SFI1: variants seen among roughly 807,000 people sequenced by gnomAD.
The protein encoded by SFI1 is protein SFI1 homolog.
A neutral mutation model predicts 207.5 loss-of-function variants in SFI1; 195 were observed. That is an observed-to-expected ratio of 0.94 (90% CI 0.84 to 1.06). The LOEUF is 1.06. Among genes scored for constraint, SFI1 ranks in the 50% least tolerant of loss-of-function variants. SFI1 has a pLI of 0.00. For missense variants in SFI1, 1,634 were observed against 1,588.0 expected (o/e 1.03, Z -0.49); for synonymous variants, 630 against 598.9 (o/e 1.05, Z -0.76).
intron 15 of SFI1, among the ~76,000 whole-genome samples, chr22:31,600,465 G>C (rs2067920195): frequency 6.6e-6 from 1 of 152,204 alleles, no homozygotes; most frequent in Non-Finnish European, 1.5e-5. Flanking sequence ...ACCCTGTCCA[G>C]CTTCTGCTGT....
At chr22:31,593,875 T>C (rs1257443481) in intron 15 of SFI1, among the ~76,000 whole-genome samples, 12 of 148,046 alleles carry the variant, frequency 8.1e-5, no homozygotes, top group Non-Finnish European at 1.4e-4. Flanking sequence ...ATCGCAGGCA[T>C]TCGGCAGACT....
chr22:31,603,655 G>GGTA, intron 17 of SFI1, 89 bp from the exon 18 acceptor site: 2 of 1,145,894 alleles, frequency 1.7e-6, no homozygotes, highest in Non-Finnish European at 2.3e-6. Context: ...AACTTAACCA[G>GGTA]GTAGGGCTAT....
intron 23 of SFI1, 74 bp downstream of exon 23, chr22:31,611,377 C>T: frequency 6.8e-7 from 1 of 1,481,444 alleles, no homozygotes. Context: ...GACCATTTCT[C>T]AGGAAGGGGT....
At chr22:31,597,984 T>G (rs2146832877) in intron 15 of SFI1, among the ~76,000 whole-genome samples, 1 of 151,854 alleles carries the variant, frequency 6.6e-6, no homozygotes, top group African/African-American at 2.4e-5. Flanking sequence ...TTCATAGGTT[T>G]TTTTTTTTTT....
chr22:31,501,195 G>A (rs1436763823), intron 1 of SFI1, among the ~76,000 whole-genome samples: 5 of 142,226 alleles, frequency 3.5e-5, no homozygotes, highest in South Asian at 2.2e-4. Context: ...TTTTTGAGAC[G>A]GAGTGTAGCT....
intron 27 of SFI1, 114 bp from the exon 28 acceptor site, chr22:31,614,675 C>T (rs2071053327): frequency 8.0e-7 from 1 of 1,250,910 alleles, no homozygotes; most frequent in East Asian, 2.4e-5. Flanking sequence ...CTGACCTTGG[C>T]CTCGCCTTTC....
rs759142052 is a variant in SFI1, at chr22:31,616,758, G to A, written c.3314G>A (p.Arg1105Gln). 49 of 1,562,778 alleles carry A rather than the reference G, an allele frequency of 3.1e-5. No homozygotes were observed. Among genetic ancestry groups the A allele is most frequent in the African/African-American group, 2.5e-4 (18 of 72,940 alleles). The change falls in exon 30 of 33, where the codon CGG (arginine) becomes CAG (glutamine). Residue 1105 changes from arginine (R) to glutamine (Q), a missense_variant. By Grantham distance (43) the Arg-to-Gln change is conservative. Coordinates refer to ENST00000400288, the MANE Select transcript of SFI1 (RefSeq NM_001007467.3). ...TTTCCTTTGCAGGTGTCAGCACAGC[G>A]GGCTACTCCTAGGGATAAGCCCCCG... ...AAAPARVSAQ[R>Q]ATPRDKPPVP... is the part of the protein sequence containing the mutation.
intron 2 of SFI1, among the ~76,000 whole-genome samples, chr22:31,514,522 A>G (rs2056188283): frequency 6.6e-6 from 1 of 150,782 alleles, no homozygotes; most frequent in Non-Finnish European, 1.5e-5. Flanking sequence ...AAAAAAAAAA[A>G]AAAAAAAAAT....
intron 4 of SFI1, chr22:31,538,365 G>C (rs1217858824): frequency 6.6e-6 from 1 of 151,152 alleles, no homozygotes; most frequent in Non-Finnish European, 1.5e-5. Context: ...ACGGGTTTTA[G>C]TGGGAGTCAT....
chr22:31,509,367 C>G (rs1445946451), intron 2 of SFI1, among the ~76,000 whole-genome samples: 2 of 152,348 alleles, frequency 1.3e-5, no homozygotes, highest in Admixed American at 6.5e-5. Flanking sequence ...ACAGTGCAGC[C>G]TTCAATCTGT....
At chr22:31,507,002 A>G (rs2054739628) in intron 1 of SFI1, among the ~76,000 whole-genome samples, 1 of 152,194 alleles carries the variant, frequency 6.6e-6, no homozygotes, top group Non-Finnish European at 1.5e-5. Context: ...GAATTAGAAA[A>G]AACTACTTTA....
intron 2 of SFI1, among the ~76,000 whole-genome samples, chr22:31,514,244 G>A (rs1403859428): frequency 6.6e-6 from 1 of 151,686 alleles, no homozygotes; most frequent in Non-Finnish European, 1.5e-5. Flanking sequence ...GGTGGCTCAT[G>A]CCTGTAATCC....
intron 16 of SFI1, 131 bp from the exon 17 acceptor site, chr22:31,602,476 T>G: frequency 1.6e-6 from 2 of 1,217,106 alleles, no homozygotes; most frequent in Non-Finnish European, 2.4e-6. Context: ...AGACAGCTTC[T>G]GGGCTGGACC....
intron 15 of SFI1, among the ~76,000 whole-genome samples, chr22:31,589,823 TA>T (rs541733673): frequency 1.2e-4 from 19 of 152,022 alleles, no homozygotes; most frequent in African/African-American, 2.9e-4. Flanking sequence ...ATGTATTTAT[TA>T]AAAAAAATGT....
intron 2 of SFI1, among the ~76,000 whole-genome samples, chr22:31,525,839 A>T (rs1302076433): frequency 1.4e-4 from 21 of 152,144 alleles, no homozygotes; most frequent in Non-Finnish European, 3.1e-4. Flanking sequence ...TGCCAGTACC[A>T]TGCTGTTTTG....
At position 31,581,032 on chromosome 22, in the gene SFI1, G is replaced by T. The variant is rs370129889; in HGVS notation, c.1248+668G>T. ...TTTTCTTTACTTATTTAGAGGCAGG[G>T]TCTTGTTCTGTCACCCAGGCTGTAG... On this transcript the variant is annotated intron_variant, in intron 12 of 32. Coordinates refer to ENST00000400288, the MANE Select transcript of SFI1 (RefSeq NM_001007467.3). 3.9e-5 allele frequency among the ~76,000 whole-genome samples: 6 copies of T among 152,002 alleles called. No individual in the cohort carries two copies. In the East Asian group the frequency reaches 7.7e-4, roughly 20 times the overall value.
Position 31,613,598 on chromosome 22 carries a change from G to A in SFI1, c.2743-4G>A, listed in dbSNP as rs759465629. On this transcript the variant is annotated splice_region_variant and splice_polypyrimidine_tract_variant and intron_variant, in intron 26 of 32. Coordinates refer to ENST00000400288, the MANE Select transcript of SFI1 (RefSeq NM_001007467.3). The stretch of plus-strand genomic sequence containing the variant: ...GCATGAGCTGACCAGAGGCTGTGTT[G>A]TAGGCGGCTCACAGTCTCCATCGTG... 6.3e-6 allele frequency: 10 copies of A among 1,579,836 alleles called. No individual in the cohort carries two copies. Among genetic ancestry groups the A allele is most frequent in the Non-Finnish European group, 7.8e-6 (9 of 1,160,592 alleles).
At chr22:31,551,504 G>A (rs574911085) in intron 6 of SFI1, among the ~76,000 whole-genome samples, 3 of 152,238 alleles carry the variant, frequency 2.0e-5, no homozygotes, top group African/African-American at 7.2e-5. Flanking sequence ...AACTTACGCT[G>A]TTTGTTGTTT....
chr22:31,534,777 T>G (rs1177326950), intron 4 of SFI1, among the ~76,000 whole-genome samples: 3 of 152,046 alleles, frequency 2.0e-5, no homozygotes, highest in Non-Finnish European at 4.4e-5. Context: ...AAACAAGGTT[T>G]TTTTTTTTCT....
Sources: gnomAD v4.1 joint callset for allele counts (sites outside exome capture counted in the v4.1 genomes callset) on GRCh38, gnomAD v4.1.1 for gene constraint, MANE v1.5 for transcripts, NCBI Gene and HGNC (gene_info 2026-07-23, HGNC 2026-07-21) for gene names.